The following VKORC1L1 variants were observed in gnomAD, a reference collection of about 807,000 sequenced individuals.
VKORC1L1 encodes vitamin K epoxide reductase complex subunit 1L1.
A neutral mutation model predicts 18.9 loss-of-function variants in VKORC1L1; 2 were observed. That is an observed-to-expected ratio of 0.11 (90% CI 0.04 to 0.33). The LOEUF is 0.33. Ranked by LOEUF, VKORC1L1 falls within the 10% of genes least tolerant of loss-of-function variation. The pLI, the probability that VKORC1L1 is intolerant of heterozygous loss-of-function variation, is 1.00. For missense variants in VKORC1L1, 123 were observed against 224.1 expected, an observed-to-expected ratio of 0.55 and a Z score of 2.88; for synonymous variants, 96 against 100.0, an observed-to-expected ratio of 0.96 and a Z score of 0.24.
chr7:65,950,134 A>G (rs1057237205), intron 2 of VKORC1L1, among the ~76,000 whole-genome samples: 1 of 152,096 alleles, frequency 6.6e-6, no homozygotes, highest in African/African-American at 2.4e-5. Context: ...AAAAATTGCT[A>G]ATAGTTACAC....
intron 1 of VKORC1L1, among the ~76,000 whole-genome samples, chr7:65,905,076 T>C (rs1484562889): frequency 6.6e-6 from 1 of 152,232 alleles, no homozygotes; most frequent in Non-Finnish European, 1.5e-5. Flanking sequence ...CACACACATA[T>C]GCATACAAAT....
intron 1 of VKORC1L1, among the ~76,000 whole-genome samples, chr7:65,940,776 G>C (rs1790020162): frequency 6.6e-6 from 1 of 152,192 alleles, no homozygotes; most frequent in Admixed American, 6.5e-5. Flanking sequence ...ATAACTCCAT[G>C]AAAAGCAATT....
intron 1 of VKORC1L1, among the ~76,000 whole-genome samples, chr7:65,942,491 C>CAAAAAA (rs764138467): frequency 1.3e-5 from 1 of 75,548 alleles, no homozygotes; most frequent in South Asian, 5.2e-4. Flanking sequence ...GACTCCATCT[C>CAAAAAA]AAAAAAAAAA....
At chr7:65,918,844 C>T (rs1240311613) in intron 1 of VKORC1L1, among the ~76,000 whole-genome samples, 1 of 152,158 alleles carries the variant, frequency 6.6e-6, no homozygotes, top group Non-Finnish European at 1.5e-5. Context: ...TCTGTAATCC[C>T]AGCACTTTGG....
chr7:65,919,618 T>C (rs1477848820), intron 1 of VKORC1L1, among the ~76,000 whole-genome samples: 3 of 152,118 alleles, frequency 2.0e-5, no homozygotes, highest in African/African-American at 7.2e-5. Flanking sequence ...GCCTAACCAG[T>C]TTTCACCACC....
At chr7:65,920,292 A>G (rs1789654000) in intron 1 of VKORC1L1, among the ~76,000 whole-genome samples, 1 of 152,084 alleles carries the variant, frequency 6.6e-6, no homozygotes, top group South Asian at 2.1e-4. Context: ...ATGAGGACAT[A>G]CAATGTTGTC....
upstream of VKORC1L1, among the ~76,000 whole-genome samples, chr7:65,869,781 G>C (rs1041271548): frequency 1.3e-5 from 2 of 149,230 alleles, no homozygotes; most frequent in African/African-American, 4.9e-5. Context: ...CTCCTGAATA[G>C]TTAGGGCTAC....
chr7:65,867,581 C>A, the VKORC1L1 span, among the ~76,000 whole-genome samples: 1 of 151,970 alleles, frequency 6.6e-6, no homozygotes, highest in East Asian at 1.9e-4. Flanking sequence ...CCATGTCTGG[C>A]AACTGATGTT....
At chr7:65,927,400 T>C in intron 1 of VKORC1L1, among the ~76,000 whole-genome samples, 1 of 152,194 alleles carries the variant, frequency 6.6e-6, no homozygotes, top group East Asian at 1.9e-4. Flanking sequence ...TCACTATATA[T>C]AGTGGATTCT....
rs894290859 is a variant in VKORC1L1, at chr7:65,958,172, A to G, written c.*3872A>G. 5 of 152,212 alleles carry G rather than the reference A, an allele frequency of 3.3e-5. No homozygotes were observed. The highest frequency in any genetic ancestry group is 1.2e-4 in the African/African-American group (5 of 41,466). 9.4% of individuals were successfully genotyped at this position (152,212 alleles called of 1,614,324 possible). A position where few individuals can be genotyped will look rare whatever the true frequency, so the allele number is the denominator to read the frequency against. The stretch of plus-strand genomic sequence containing the variant: ...AATTGTGAGAACTACCCTTCCATCA[A>G]ACAAAAAGGGCAAGGGTGGGAGCCC... On this transcript the variant is annotated 3_prime_UTR_variant, in exon 3 of 3. Transcript: ENST00000360768.
intron 1 of VKORC1L1, among the ~76,000 whole-genome samples, chr7:65,880,512 G>C (rs560416823): frequency 6.6e-6 from 1 of 152,196 alleles, no homozygotes; most frequent in Admixed American, 6.5e-5. Context: ...CATGGAGGGA[G>C]GGGGAGGGAA....
chr7:65,879,879 T>G (rs1440223541), intron 1 of VKORC1L1, among the ~76,000 whole-genome samples: 1 of 151,748 alleles, frequency 6.6e-6, no homozygotes, highest in South Asian at 2.1e-4. Context: ...TGAGACATTG[T>G]CTCACTCTGT....
chr7:65,902,023 T>A (rs1789326671), intron 1 of VKORC1L1, among the ~76,000 whole-genome samples: 1 of 152,182 alleles, frequency 6.6e-6, no homozygotes, highest in Non-Finnish European at 1.5e-5. Flanking sequence ...ATACAGCCGA[T>A]TTAAAGAATC....
intron 1 of VKORC1L1, among the ~76,000 whole-genome samples, chr7:65,876,338 A>G (rs1284503241): frequency 2.0e-5 from 3 of 152,112 alleles, no homozygotes; most frequent in African/African-American, 7.2e-5. Flanking sequence ...CCCCGTCTCT[A>G]CTAAAAATAC....
At chr7:65,900,541 G>A (rs1789298002) in intron 1 of VKORC1L1, among the ~76,000 whole-genome samples, 1 of 152,084 alleles carries the variant, frequency 6.6e-6, no homozygotes, top group South Asian at 2.1e-4. Context: ...GGTGGCTCAC[G>A]CCTGTAATCC....
At chr7:65,899,725 C>T (rs1217155445) in intron 1 of VKORC1L1, among the ~76,000 whole-genome samples, 21 of 152,090 alleles carry the variant, frequency 1.4e-4, no homozygotes, top group African/African-American at 3.9e-4. Flanking sequence ...TCATACCAGA[C>T]GTGGTGGCTC....
At chr7:65,920,624 G>C (rs1485178721) in intron 1 of VKORC1L1, among the ~76,000 whole-genome samples, 5 of 152,170 alleles carry the variant, frequency 3.3e-5, no homozygotes, top group Admixed American at 3.3e-4. Flanking sequence ...CAAAAGCTGG[G>C]ATCTGAAAGA....
intron 1 of VKORC1L1, among the ~76,000 whole-genome samples, chr7:65,924,316 C>A (rs867160016): frequency 6.6e-6 from 1 of 152,206 alleles, no homozygotes; most frequent in South Asian, 2.1e-4. Flanking sequence ...GGCCAATCAG[C>A]CACTTAGCAG....
intron 1 of VKORC1L1, among the ~76,000 whole-genome samples, chr7:65,940,105 G>A (rs1283846190): frequency 6.6e-6 from 1 of 151,836 alleles, no homozygotes; most frequent in Non-Finnish European, 1.5e-5. Flanking sequence ...GTTCACTGTG[G>A]CCTCGAACTG....
Sources: allele counts gnomAD v4.1 joint callset (sites outside exome capture counted in the v4.1 genomes callset), GRCh38; gene constraint gnomAD v4.1.1; transcripts MANE v1.5; gene names NCBI Gene and HGNC (gene_info 2026-07-23, HGNC 2026-07-21).